ADAMTS19: variants seen among roughly 807,000 people sequenced by gnomAD.
ADAMTS19 encodes A disintegrin and metalloproteinase with thrombospondin motifs 19.
A neutral mutation model predicts 153.3 loss-of-function variants in ADAMTS19; 93 were observed. The observed-to-expected ratio is 0.61, with a 90% CI of 0.51 to 0.72. The LOEUF (loss-of-function observed/expected upper bound fraction) is 0.72, where lower values mean the gene tolerates loss of function less well. Among genes scored for constraint, ADAMTS19 ranks in the 30% least tolerant of loss-of-function variants. The pLI is 0.00. For missense variants in ADAMTS19, 1,482 were observed against 1,552.1 expected (o/e 0.95, Z 0.76); for synonymous variants, 600 against 556.6 (o/e 1.08, Z -1.10).
intron 15 of ADAMTS19, among the ~76,000 whole-genome samples, chr5:129,662,888 A>ATTTTTTTTTTT (rs3049499): frequency 2.2e-5 from 2 of 92,886 alleles, no homozygotes; most frequent in African/African-American, 9.4e-5. Context: ...ATTCTTCTTC[A>ATTTTTTTTTTT]TTTTTTTTTT....
chr5:129,731,859 T>C (rs1308430228), intron 21 of ADAMTS19, among the ~76,000 whole-genome samples: 1 of 152,148 alleles, frequency 6.6e-6, no homozygotes, highest in Non-Finnish European at 1.5e-5. Flanking sequence ...TAAATAATTC[T>C]AATTGTATTA....
At chr5:129,694,657 ACCT>A (rs1193439614) in intron 18 of ADAMTS19, 60 bp from the exon 19 acceptor site, 26 of 1,236,460 alleles carry the variant, frequency 2.1e-5, no homozygotes, top group Non-Finnish European at 2.7e-5. Flanking sequence ...GCTTATGAAC[ACCT>A]CCTAAATCCA....
At chr5:129,697,218 G>T (rs1755599324) in intron 19 of ADAMTS19, among the ~76,000 whole-genome samples, 1 of 152,106 alleles carries the variant, frequency 6.6e-6, no homozygotes, top group African/African-American at 2.4e-5. Context: ...CTGTTCAGTT[G>T]TATACCTGAG....
chr5:129,511,938 A>G (rs182365559), intron 3 of ADAMTS19, among the ~76,000 whole-genome samples: 383 of 152,140 alleles, frequency 2.5e-3, no homozygotes, highest in African/African-American at 6.0e-3. Context: ...TAATGGGTCA[A>G]GAACATTTCA....
chr5:129,665,108 T>TC (rs1243592723), intron 15 of ADAMTS19, among the ~76,000 whole-genome samples: 2 of 152,126 alleles, frequency 1.3e-5, no homozygotes, highest in Non-Finnish European at 2.9e-5. Flanking sequence ...ATATTCTTTT[T>TC]CCCCACACTT....
At chr5:129,557,244 T>C in intron 7 of ADAMTS19, among the ~76,000 whole-genome samples, 1 of 152,154 alleles carries the variant, frequency 6.6e-6, no homozygotes, top group East Asian at 1.9e-4. Flanking sequence ...AGCTGAGAGA[T>C]TAGCCAAAAA....
intron 10 of ADAMTS19, among the ~76,000 whole-genome samples, chr5:129,638,416 C>A (rs556442915): frequency 6.6e-6 from 1 of 151,650 alleles, no homozygotes; most frequent in Non-Finnish European, 1.5e-5. Flanking sequence ...TCTTTTATGC[C>A]CTCATTTGTT....
intron 2 of ADAMTS19, among the ~76,000 whole-genome samples, chr5:129,490,851 A>AT (rs896362623): frequency 5.4e-4 from 80 of 149,216 alleles, no homozygotes; most frequent in East Asian, 3.0e-3. Context: ...TTGTTTTTCG[A>AT]TTTTTTTTTT....
intron 2 of ADAMTS19, among the ~76,000 whole-genome samples, chr5:129,499,195 A>T (rs7712756): frequency 6.6e-6 from 1 of 152,000 alleles, no homozygotes; most frequent in Non-Finnish European, 1.5e-5. Context: ...AAATTATTAC[A>T]TGTAACAAGA....
At chr5:129,493,682 T>C (rs1750841678) in intron 2 of ADAMTS19, among the ~76,000 whole-genome samples, 1 of 152,176 alleles carries the variant, frequency 6.6e-6, no homozygotes, top group Non-Finnish European at 1.5e-5. Flanking sequence ...GATAAGAACA[T>C]TAATGTTTCT....
Position 129,461,697 on chromosome 5 carries a change from C to A in ADAMTS19, c.687C>A (p.Thr229=). Reference sequence around the variant, plus strand: ...CACCAGACGCAGGCTGCTTCTACACCGGAGCTGTGCTGCGGCACCCTGGCT... The same window carrying A: ...CACCAGACGCAGGCTGCTTCTACACAGGAGCTGTGCTGCGGCACCCTGGCT... ...PAPPDAGCFY[T]GAVLRHPGSL... Residue 229 remains threonine, a synonymous_variant, in exon 2 of 23, where the codon ACC becomes ACA. Coordinates refer to ENST00000274487, the MANE Select transcript of ADAMTS19 (RefSeq NM_133638.6). The surrounding 1 kb of genome is among the most constrained non-coding windows in gnomAD (Gnocchi z 4.6). 6.4e-7 allele frequency: 1 copy of A among 1,553,482 alleles called. No homozygotes were observed. The highest frequency in any genetic ancestry group is 8.7e-7 in the Non-Finnish European group (1 of 1,155,132).
intron 7 of ADAMTS19, among the ~76,000 whole-genome samples, chr5:129,558,253 A>T (rs1340241981): frequency 6.6e-6 from 1 of 152,146 alleles, no homozygotes; most frequent in Non-Finnish European, 1.5e-5. Flanking sequence ...AATAAACTAG[A>T]TAATTGTATT....
At position 129,708,501 on chromosome 5, in the gene ADAMTS19, AT is replaced by A. The variant is rs796156662; in HGVS notation, c.3312+4121del. 4.8e-3 allele frequency among the ~76,000 whole-genome samples: 615 copies of A among 128,506 alleles called. 10 individuals are homozygous for A. Among genetic ancestry groups the A allele is most frequent in the Middle Eastern group, 0.039 (6 of 152 alleles). 84.3% of individuals were successfully genotyped at this position (128,506 alleles called of 152,430 possible). A position where few individuals can be genotyped will look rare whatever the true frequency, so the allele number is the denominator to read the frequency against. ...TGTCTCTAATGTTTAATGAAATGACATTTTTTTTTTTGGTCTGAATTTGACC... is the reference window on the plus strand; with the variant it reads ...TGTCTCTAATGTTTAATGAAATGACATTTTTTTTTTGGTCTGAATTTGACC... On this transcript the variant is annotated intron_variant, in intron 21 of 22. Coordinates refer to ENST00000274487, the MANE Select transcript of ADAMTS19 (RefSeq NM_133638.6).
intron 7 of ADAMTS19, among the ~76,000 whole-genome samples, chr5:129,563,001 A>G (rs1266165457): frequency 2.6e-5 from 4 of 152,092 alleles, no homozygotes; most frequent in Admixed American, 6.5e-5. Flanking sequence ...CCCAGGAAGC[A>G]ACTGCCAAAA....
intron 13 of ADAMTS19, 109 bp from the exon 14 acceptor site, chr5:129,654,197 G>A (rs1753439745): frequency 1.1e-5 from 11 of 1,028,106 alleles, no homozygotes; most frequent in Admixed American, 2.9e-5. Flanking sequence ...TACTTAATTA[G>A]CATTGAATTA....
intron 3 of ADAMTS19, among the ~76,000 whole-genome samples, chr5:129,514,627 G>T (rs181960139): frequency 1.3e-5 from 2 of 151,822 alleles, no homozygotes; most frequent in Non-Finnish European, 2.9e-5. Flanking sequence ...CCTATTTTTT[G>T]ATTGGATTAT....
intron 20 of ADAMTS19, among the ~76,000 whole-genome samples, chr5:129,702,028 AAACTT>A (rs1755888087): frequency 6.6e-6 from 1 of 152,166 alleles, no homozygotes; most frequent in Non-Finnish European, 1.5e-5. Context: ...CCTGTGCAGG[AAACTT>A]AAGTTTCATC....
rs566383847 is a variant in ADAMTS19, at chr5:129,559,282, A to T, written c.1372+7375A>T. Among the ~76,000 whole-genome samples the T allele has an allele frequency of 2.8e-4, 43 of 152,228 alleles. No individual in the cohort carries two copies. In the South Asian group the frequency reaches 4.8e-3, roughly 17 times the overall value. On this transcript the variant is annotated intron_variant, in intron 7 of 22. Transcript: ENST00000274487. ...AAGTATTAGAACCCAGAGTATAAAA[A>T]CAACTTTTCTAAATCAGTAAGTAAG... is the stretch of plus-strand genomic sequence containing the variant.
intron 2 of ADAMTS19, among the ~76,000 whole-genome samples, chr5:129,468,931 C>T (rs1436877788): frequency 6.6e-6 from 1 of 152,060 alleles, no homozygotes; most frequent in Non-Finnish European, 1.5e-5. Flanking sequence ...TGCCTGCCAC[C>T]ACACCCAGCT....
Sources: gnomAD v4.1 joint callset for allele counts (sites outside exome capture counted in the v4.1 genomes callset) on GRCh38, gnomAD v4.1.1 for gene constraint, Gnocchi (gnomAD v3.1) non-coding constraint, MANE v1.5 for transcripts, NCBI Gene and HGNC (gene_info 2026-07-23, HGNC 2026-07-21) for gene names.